Variants in SLC30A9 observed in about 807,000 individuals in gnomAD.
SLC30A9 encodes the protein proton-coupled zinc antiporter SLC30A9, mitochondrial.
A neutral mutation model predicts 87.5 loss-of-function variants in SLC30A9; 58 were observed. The ratio of observed to expected loss-of-function variants is 0.66; its 90% confidence interval spans 0.54 to 0.82. SLC30A9 has a LOEUF of 0.82. Ranked by LOEUF, SLC30A9 falls within the 40% of genes least tolerant of loss-of-function variation. The pLI is 0.00. For missense variants in SLC30A9, 557 were observed against 679.1 expected, an observed-to-expected ratio of 0.82 and a Z score of 2.00; for synonymous variants, 234 against 233.0, an observed-to-expected ratio of 1.00 and a Z score of -0.04.
intron 6 of SLC30A9, among the ~76,000 whole-genome samples, chr4:42,024,409 A>G (rs1345492245): frequency 6.6e-6 from 1 of 152,228 alleles, no homozygotes; most frequent in African/African-American, 2.4e-5. Context: ...CCATATCTAC[A>G]TATAGAAATC....
intron 11 of SLC30A9, among the ~76,000 whole-genome samples, chr4:42,065,039 G>T (rs142192250): frequency 1.2e-4 from 18 of 152,220 alleles, no homozygotes; most frequent in African/African-American, 3.9e-4. Context: ...TCTGAATCAG[G>T]ATTTTCTTGG....
chr4:42,081,344 T>C (rs951524764), intron 17 of SLC30A9, among the ~76,000 whole-genome samples: 36 of 152,154 alleles, frequency 2.4e-4, no homozygotes, highest in Admixed American at 2.4e-3. Context: ...GTAGAGACAA[T>C]GACTACTGGT....
At chr4:42,048,500 A>T (rs1272854199) in intron 8 of SLC30A9, among the ~76,000 whole-genome samples, 1 of 130,894 alleles carries the variant, frequency 7.6e-6, no homozygotes, top group Admixed American at 8.7e-5. Flanking sequence ...CAGACTTGTA[A>T]TATAACATGG....
chr4:42,044,358 G>A (rs1219057646), intron 8 of SLC30A9, among the ~76,000 whole-genome samples: 2 of 136,308 alleles, frequency 1.5e-5, no homozygotes, highest in Admixed American at 7.5e-5. Context: ...TAAAGGAATG[G>A]AGGAATATTT....
chr4:42,049,849 C>T (rs1016351938), intron 9 of SLC30A9, among the ~76,000 whole-genome samples: 2 of 152,128 alleles, frequency 1.3e-5, no homozygotes, highest in Admixed American at 6.5e-5. Context: ...ATTTGAATTA[C>T]TTTCCTTGGC....
Position 42,042,644 on chromosome 4 carries a change from G to A in SLC30A9, c.737+3591G>A, listed in dbSNP as rs548785263. On this transcript the variant is annotated intron_variant, in intron 8 of 17. Coordinates refer to ENST00000264451, the MANE Select transcript of SLC30A9 (RefSeq NM_006345.4). ...CTTGGGGGTAGGGGCGGCTGTGGGC[G>A]CAGCTTCAGCAGACTTAAACGTTCC... is the stretch of plus-strand genomic sequence containing the variant. Among the ~76,000 whole-genome samples, 18 of 152,274 alleles carry A rather than the reference G, an allele frequency of 1.2e-4. No individual in the cohort carries two copies. The South Asian group carries it at 2.5e-3, about 21-fold the overall frequency.
At chr4:41,994,544 A>G (rs1714607358) in intron 1 of SLC30A9, among the ~76,000 whole-genome samples, 1 of 151,854 alleles carries the variant, frequency 6.6e-6, no homozygotes, top group Non-Finnish European at 1.5e-5. Flanking sequence ...TAGAAATCAA[A>G]CATACTATGT....
chr4:42,062,136 G>A (rs1244334749), intron 10 of SLC30A9, among the ~76,000 whole-genome samples: 1 of 151,436 alleles, frequency 6.6e-6, no homozygotes, highest in South Asian at 2.1e-4. Flanking sequence ...GGAGGTTGCA[G>A]TGAGCCAAGA....
At chr4:42,041,844 T>C (rs546345677) in intron 8 of SLC30A9, among the ~76,000 whole-genome samples, 13 of 152,318 alleles carry the variant, frequency 8.5e-5, no homozygotes, top group African/African-American at 3.1e-4. Context: ...CTTCTGCATT[T>C]CCAGCTGAGG....
chr4:42,024,439 GTTGTATAGTACCCCA>G (rs1159435788), intron 6 of SLC30A9, among the ~76,000 whole-genome samples: 3 of 152,154 alleles, frequency 2.0e-5, no homozygotes, highest in Non-Finnish European at 4.4e-5. Flanking sequence ...CTTTTTAACA[GTTGTATAGTACCCCA>G]TTGTATGGAT....
rs115036272 is a variant in SLC30A9 at position 42,037,521 on chromosome 4, C to T, written c.670-1465C>T. On this transcript the variant is annotated intron_variant, in intron 7 of 17. Transcript: ENST00000264451. ...TTATCTCTGCTTAATATATTTAACT[C>T]CACAATAGTATCACCTTGAAATGCA... 3.2e-3 allele frequency among the ~76,000 whole-genome samples: 491 copies of T among 152,078 alleles called. 2 individuals are homozygous for T. Among genetic ancestry groups the T allele is most frequent in the African/African-American group, 0.011 (470 of 41,496 alleles).
At chr4:42,019,597 A>G (rs1429391738) in intron 3 of SLC30A9, among the ~76,000 whole-genome samples, 2 of 152,080 alleles carry the variant, frequency 1.3e-5, no homozygotes, top group Non-Finnish European at 2.9e-5. Context: ...AACTTTTTTG[A>G]CTGTAACCCA....
Position 42,007,242 on chromosome 4 carries a change from G to A in SLC30A9, c.274+5462G>A, listed in dbSNP as rs368118676. ...GGGATGAAGAAGAGGGTCAAGCCAA[G>A]GGCAATGCTTGGTTACTGTTTGGCC... is the stretch of plus-strand genomic sequence containing the variant. On this transcript the variant is annotated intron_variant, in intron 2 of 17. Coordinates refer to ENST00000264451, the MANE Select transcript of SLC30A9 (RefSeq NM_006345.4). Among the ~76,000 whole-genome samples, 8 of 152,278 alleles carry A rather than the reference G, an allele frequency of 5.3e-5. 1 individual carries two copies. In the East Asian group the frequency reaches 1.5e-3, roughly 29 times the overall value.
chr4:42,006,072 T>C (rs1715188499), intron 2 of SLC30A9, among the ~76,000 whole-genome samples: 2 of 152,202 alleles, frequency 1.3e-5, no homozygotes, highest in African/African-American at 4.8e-5. Flanking sequence ...CAATACAGTG[T>C]AACAACGGTT....
chr4:42,040,523 C>T (rs1012203043), intron 8 of SLC30A9, among the ~76,000 whole-genome samples: 1 of 151,876 alleles, frequency 6.6e-6, no homozygotes, highest in African/African-American at 2.4e-5. Context: ...AGGAAAAATT[C>T]CTTGAAGAAT....
rs113524862 is a variant in SLC30A9, at chr4:42,038,819, C to T, written c.670-167C>T. On this transcript the variant is annotated intron_variant, in intron 7 of 17. Transcript: ENST00000264451. ...CTGGAAAGAGACCCAGATATGCTTT[C>T]GGTTTTAATCTTTCCACTTTCTAAA... Among the ~76,000 whole-genome samples the T allele has an allele frequency of 1.2e-3, 178 of 152,274 alleles. 1 individual carries two copies. The highest frequency in any genetic ancestry group is 4.0e-3 in the African/African-American group (167 of 41,558).
At chr4:42,064,024 C>A (rs1717978183) in intron 11 of SLC30A9, among the ~76,000 whole-genome samples, 1 of 152,198 alleles carries the variant, frequency 6.6e-6, no homozygotes, top group South Asian at 2.1e-4. Context: ...ATGATCTACT[C>A]TGCTGATACA....
At chr4:41,993,066 C>T (rs1419496812) in intron 1 of SLC30A9, among the ~76,000 whole-genome samples, 3 of 150,982 alleles carry the variant, frequency 2.0e-5, no homozygotes, top group African/African-American at 7.3e-5. Context: ...AATATGAGAG[C>T]CCTGTTTGTA....
intron 17 of SLC30A9, among the ~76,000 whole-genome samples, chr4:42,084,203 ACTGCCTCAC>A (rs1457705606): frequency 6.6e-6 from 1 of 152,196 alleles, no homozygotes; most frequent in Non-Finnish European, 1.5e-5. Context: ...AATAACTATC[ACTGCCTCAC>A]CTGCCTCAGT....
Sources: allele counts gnomAD v4.1 joint callset (sites outside exome capture counted in the v4.1 genomes callset), GRCh38; gene constraint gnomAD v4.1.1; transcripts MANE v1.5; gene names NCBI Gene and HGNC (gene_info 2026-07-23, HGNC 2026-07-21).